ERC2: variants seen among roughly 807,000 people sequenced by gnomAD.
The protein encoded by ERC2 is ERC protein 2.
In ERC2, 42 loss-of-function variants were observed where a neutral mutation model predicts 114.8. The observed-to-expected ratio is 0.37, with a 90% CI of 0.29 to 0.47. The LOEUF is 0.47. Among genes scored for constraint, ERC2 ranks in the 20% least tolerant of loss-of-function variants. The pLI, the probability that ERC2 is intolerant of heterozygous loss-of-function variation, is 0.99. For synonymous variants in ERC2, 454 were observed against 425.5 expected, an observed-to-expected ratio of 1.07 and a Z score of -0.82; for missense variants, 939 against 1,150.7, an observed-to-expected ratio of 0.82 and a Z score of 2.66.
intron 2 of ERC2, among the ~76,000 whole-genome samples, chr3:56,348,746 A>G (rs1283736710): frequency 1.3e-5 from 2 of 151,966 alleles, no homozygotes; most frequent in East Asian, 3.9e-4. Context: ...TTCTTGACAA[A>G]GATTTGACGA....
chr3:55,955,804 G>A (rs2067912246), intron 12 of ERC2, among the ~76,000 whole-genome samples: 1 of 152,186 alleles, frequency 6.6e-6, no homozygotes, highest in Non-Finnish European at 1.5e-5. Context: ...TCCCATGAAA[G>A]ACTATTTCTC....
intron 7 of ERC2, among the ~76,000 whole-genome samples, chr3:56,035,506 T>C (rs1027650666): frequency 1.3e-5 from 2 of 152,200 alleles, no homozygotes; most frequent in Non-Finnish European, 2.9e-5. Flanking sequence ...TAATCCACAA[T>C]GCAAGAGTAC....
chr3:55,856,519 T>A (rs769077596), intron 14 of ERC2, among the ~76,000 whole-genome samples: 1 of 152,032 alleles, frequency 6.6e-6, no homozygotes, highest in South Asian at 2.1e-4. Context: ...ACAAAACATA[T>A]ATATACACAC....
rs2057422581 is a variant in ERC2, at chr3:55,583,544, T to TTCCTTC, written c.*40-72269_*40-72268insGAAGGA. 1.6e-3 allele frequency among the ~76,000 whole-genome samples: 61 copies of TTCCTTC among 39,050 alleles called. 6 individuals carry two copies. The highest frequency in any genetic ancestry group is 6.4e-3 in the African/African-American group (45 of 7,038). The allele number at this position is 39,050 out of a possible 152,430, so 25.6% of individuals were successfully genotyped here. On this transcript the variant is annotated intron_variant, in intron 17 of 17. Transcript: ENST00000288221. ...CCCTCCCTTCCTTCCTTCCTTCCTTTCTTCCTTCCTTCCTTCCTTCCTTCC... is the reference window on the plus strand; with the variant it reads ...CCCTCCCTTCCTTCCTTCCTTCCTTTTCCTTCCTTCCTTCCTTCCTTCCTTCCTTCC...
At chr3:55,821,514 A>T (rs1204033229) in intron 14 of ERC2, among the ~76,000 whole-genome samples, 1 of 152,200 alleles carries the variant, frequency 6.6e-6, no homozygotes, top group Non-Finnish European at 1.5e-5. Flanking sequence ...GCGTCATTAC[A>T]TATTAACCTG....
At chr3:55,833,742 C>T (rs1365106409) in intron 14 of ERC2, among the ~76,000 whole-genome samples, 1 of 152,126 alleles carries the variant, frequency 6.6e-6, no homozygotes, top group Non-Finnish European at 1.5e-5. Flanking sequence ...ATGACAGGAT[C>T]AAATTCACAC....
At chr3:55,991,945 G>T in intron 11 of ERC2, 112 bp downstream of exon 11, 1 of 931,502 alleles carries the variant, frequency 1.1e-6, no homozygotes, top group Non-Finnish European at 1.6e-6. Context: ...TTTATGACTT[G>T]TTTCTAACTT....
At chr3:56,231,584 A>G (rs2050621239) in intron 3 of ERC2, among the ~76,000 whole-genome samples, 1 of 152,232 alleles carries the variant, frequency 6.6e-6, no homozygotes, top group Non-Finnish European at 1.5e-5. Context: ...ATGTAAGTAT[A>G]CACAATGCAT....
intron 13 of ERC2, among the ~76,000 whole-genome samples, chr3:55,916,174 T>C (rs1013619284): frequency 2.0e-5 from 3 of 152,148 alleles, no homozygotes; most frequent in Admixed American, 6.5e-5. Flanking sequence ...AGTGAGAATA[T>C]TCCAGTGGCC....
At position 55,624,562 on chromosome 3, in the gene ERC2, C is replaced by A. The variant is rs148080371; in HGVS notation, c.*39+59232G>T. Among the ~76,000 whole-genome samples, 3 of 152,288 alleles carry A rather than the reference C, an allele frequency of 2.0e-5. No individual in the cohort carries two copies. In the East Asian group the frequency reaches 5.8e-4, roughly 29 times the overall value. ...AGAACAGGCTGGCCTTGGCCAGTGA[C>A]TAGACATGAGGTGTTAATGCTCAGG... On this transcript the variant is annotated intron_variant, in intron 17 of 17. Transcript: ENST00000288221.
intron 14 of ERC2, among the ~76,000 whole-genome samples, chr3:55,793,343 T>C (rs1275707427): frequency 6.6e-6 from 1 of 152,184 alleles, no homozygotes; most frequent in Non-Finnish European, 1.5e-5. Context: ...CTTTTGAATG[T>C]GTTGAGGTTG....
chr3:55,834,406 T>C (rs62251588), intron 14 of ERC2, among the ~76,000 whole-genome samples: 28,446 of 151,978 alleles, frequency 0.19, 4,069 homozygotes, highest in African/African-American at 0.4. Context: ...TTATAACAAA[T>C]GGTCTCTCAG....
At chr3:55,787,743 C>T (rs772996087) in intron 14 of ERC2, among the ~76,000 whole-genome samples, 13 of 152,100 alleles carry the variant, frequency 8.5e-5, no homozygotes, top group Non-Finnish European at 1.6e-4. Flanking sequence ...GAAAATTTAC[C>T]ACTCCATATC....
chr3:56,211,524 C>A (rs941932492), intron 3 of ERC2, among the ~76,000 whole-genome samples: 10 of 151,852 alleles, frequency 6.6e-5, no homozygotes, highest in African/African-American at 2.4e-4. Context: ...TAATTCTACA[C>A]AATAGCAATC....
At chr3:55,558,929 A>ATTT (rs2055814039) in intron 17 of ERC2, among the ~76,000 whole-genome samples, 1 of 152,206 alleles carries the variant, frequency 6.6e-6, no homozygotes, top group African/African-American at 2.4e-5. Flanking sequence ...AAAAGTGGGT[A>ATTT]CAGTTTGCAG....
At chr3:55,805,897 CAGGTG>C (rs549072758) in intron 14 of ERC2, among the ~76,000 whole-genome samples, 1 of 152,254 alleles carries the variant, frequency 6.6e-6, no homozygotes, top group South Asian at 2.1e-4. Flanking sequence ...TTGTCACCCA[CAGGTG>C]GGAACTGGGG....
At chr3:55,832,068 TGCCC>T in intron 14 of ERC2, among the ~76,000 whole-genome samples, 1 of 152,230 alleles carries the variant, frequency 6.6e-6, no homozygotes, top group African/African-American at 2.4e-5. Context: ...CGCCCGCCAT[TGCCC>T]AGGCTTACTT....
intron 3 of ERC2, among the ~76,000 whole-genome samples, chr3:56,231,327 C>T (rs1212857932): frequency 3.3e-5 from 5 of 152,230 alleles, no homozygotes; most frequent in Non-Finnish European, 7.3e-5. Flanking sequence ...CTATCATTGA[C>T]TGAGCATTCT....
At chr3:55,830,572 T>C (rs2060524998) in intron 14 of ERC2, among the ~76,000 whole-genome samples, 1 of 152,198 alleles carries the variant, frequency 6.6e-6, no homozygotes, top group African/African-American at 2.4e-5. Context: ...CTCAATTTAC[T>C]TGAAGTAGTA....
Sources: gnomAD v4.1 joint callset for allele counts (sites outside exome capture counted in the v4.1 genomes callset) on GRCh38, gnomAD v4.1.1 for gene constraint, MANE v1.5 for transcripts, NCBI Gene and HGNC (gene_info 2026-07-23, HGNC 2026-07-21) for gene names.